The following PIGT variants were observed in gnomAD, a reference collection of about 807,000 sequenced individuals.
The protein encoded by PIGT is phosphatidylinositol glycan anchor biosynthesis class T, also known as GPI-anchor transamidase component PIGT.
Under a neutral mutation model 66.7 loss-of-function variants are expected in PIGT, and 57 were observed. The observed-to-expected ratio is 0.86, with a 90% CI of 0.69 to 1.07. The LOEUF (loss-of-function observed/expected upper bound fraction) is 1.07, where lower values mean the gene tolerates loss of function less well. Among genes scored for constraint, PIGT ranks in the 50% least tolerant of loss-of-function variants. PIGT has a pLI of 0.00. For synonymous variants in PIGT, 362 were observed against 320.5 expected (o/e 1.13, Z -1.38); for missense variants, 725 against 740.4 (o/e 0.98, Z 0.24).
intron 2 of PIGT, chr20:45,417,268 C>T (rs1039238846): frequency 6.6e-6 from 1 of 152,184 alleles, no homozygotes; most frequent in African/African-American, 2.4e-5. Flanking sequence ...TTAAAATTGA[C>T]AAACACAGGA....
rs1164135968 is a variant in PIGT at position 45,425,747 on chromosome 20, T to A, written c.1658T>A (p.Ile553Asn). 6.2e-7 allele frequency: 1 copy of A among 1,614,076 alleles called. No individual in the cohort carries two copies. The highest frequency in any genetic ancestry group is 8.5e-7 in the Non-Finnish European group (1 of 1,179,948). The change falls in exon 12 of 12, where the codon ATC becomes AAC. Residue 553 changes from isoleucine to asparagine, a missense_variant. Ile to Asn is a moderately radical substitution (Grantham distance 149). Around this residue, in one of 3 missense-constraint regions of PIGT, gnomAD observed 162 missense variants for 171.1 expected, o/e 0.95. Coordinates refer to ENST00000279036, the MANE Select transcript of PIGT (RefSeq NM_015937.6). ...FYNLLTRTFH[I>N]EEPRTGGLAK... ...AATCTCCTCACCCGAACCTTCCACA[T>A]CGAGGAGCCCCGCACAGGTGGCCTG...
At position 45,421,541 on chromosome 20, in the gene PIGT, C is replaced by T; in HGVS notation, c.1192C>T (p.His398Tyr). The T allele has an allele frequency of 6.2e-7, 1 of 1,614,116 alleles. No individual in the cohort carries two copies. The highest frequency in any genetic ancestry group is 8.5e-7 in the Non-Finnish European group (1 of 1,180,010). ...ACCCTGGTATCTGCGGCTGTATGTG[C>T]ACACCCTCACCATCACCTCCAAGGG... ...TVPWYLRLYVHTLTITSKGKE... is the reference protein window; with the variant it reads ...TVPWYLRLYVYTLTITSKGKE... Residue 398 changes from histidine (H) to tyrosine (Y), a missense_variant, in exon 9 of 12, where the codon CAC (histidine) becomes TAC (tyrosine). By Grantham distance (83) the His-to-Tyr change is moderately conservative. Coordinates refer to ENST00000279036, the MANE Select transcript of PIGT (RefSeq NM_015937.6).
At chr20:45,423,871 G>A (rs1990541809) in intron 9 of PIGT, 1 of 307,928 alleles carries the variant, frequency 3.2e-6, no homozygotes, top group African/African-American at 2.1e-5. Flanking sequence ...TTAGATTCAT[G>A]TCCCACATTT....
chr20:45,418,990 C>A lies in PIGT; in HGVS notation c.493+11C>A, dbSNP rs764252860. On this transcript the variant is annotated intron_variant, in intron 3 of 11. Coordinates refer to ENST00000279036, the MANE Select transcript of PIGT (RefSeq NM_015937.6). The stretch of plus-strand genomic sequence containing the variant: ...TGGGTCTGGCCAATGGTGAGATAAC[C>A]CCTACAGCCCTTTCCTTCTTCCTCT... The A allele has an allele frequency of 1.9e-6, 3 of 1,614,042 alleles. No homozygotes were observed. In the Admixed American group the frequency reaches 5.0e-5, roughly 27 times the overall value.
At position 45,420,153 on chromosome 20, in the gene PIGT, C is replaced by T. The variant is rs774919387; in HGVS notation, c.699C>T (p.Ser233=). ...RPVCRNARCT[S]ISWELRQTLS... is the part of the protein sequence containing the mutation. Reference sequence around the variant, plus strand: ...TGTGATAGAATGCACGCTGTACTAGCATCTCCTGGGAGCTGAGGCAGACCC... The same window carrying T: ...TGTGATAGAATGCACGCTGTACTAGTATCTCCTGGGAGCTGAGGCAGACCC... Residue 233 remains serine, a synonymous_variant, in exon 6 of 12, where the codon AGC becomes AGT. Transcript: ENST00000279036. 6.2e-7 allele frequency: 1 copy of T among 1,612,014 alleles called. No homozygotes were observed. The highest frequency in any genetic ancestry group is 8.5e-7 in the Non-Finnish European group (1 of 1,178,962).
At chr20:45,419,986 G>A in intron 5 of PIGT, 150 bp from the exon 6 acceptor site, 1 of 637,760 alleles carries the variant, frequency 1.6e-6, no homozygotes. Flanking sequence ...ACGGGGTCTG[G>A]CACGAGGTCA....
In PIGT at chr20:45,421,373, C is replaced by G; in HGVS notation, c.1034-10C>G. On this transcript the variant is annotated splice_polypyrimidine_tract_variant and intron_variant, in intron 8 of 11. Coordinates refer to ENST00000279036, the MANE Select transcript of PIGT (RefSeq NM_015937.6). ...TGGCAGCTGTTAACTGTTGATATTT[C>G]TTTACACAGAGGCCCCCCCAGTGCC... 6.2e-7 allele frequency: 1 copy of G among 1,610,500 alleles called. No homozygotes were observed.
intron 9 of PIGT, 163 bp from the exon 10 acceptor site, chr20:45,424,053 C>T (rs959306139): frequency 1.3e-5 from 8 of 635,868 alleles, no homozygotes; most frequent in South Asian, 1.1e-4. Context: ...ACATCCTCTC[C>T]CTTTTCTTAG....
Position 45,419,411 on chromosome 20 carries a change from C to G in PIGT, c.594+16C>G. Reference sequence around the variant, plus strand: ...TAGTTCCAAGGTGAGGCCGCAGAGCCTGGCAGCCGGGGGCGGGGGGTGTAT... The same window carrying G: ...TAGTTCCAAGGTGAGGCCGCAGAGCGTGGCAGCCGGGGGCGGGGGGTGTAT... On this transcript the variant is annotated intron_variant, in intron 4 of 11. Transcript: ENST00000279036. The G allele has an allele frequency of 6.3e-7, 1 of 1,586,196 alleles. No homozygotes were observed. The highest frequency in any genetic ancestry group is 1.7e-4 in the Middle Eastern group (1 of 5,992).
intron 11 of PIGT, chr20:45,425,172 TTTCTTTCTTTC>T (rs1662704299): frequency 6.7e-6 from 1 of 148,762 alleles, no homozygotes; most frequent in African/African-American, 2.5e-5. Context: ...TCTTTCTTTC[TTTCTTTCTTTC>T]TTTCTTTCTT....
intron 9 of PIGT, 88 bp from the exon 10 acceptor site, chr20:45,424,128 A>T: frequency 7.8e-7 from 1 of 1,285,294 alleles, no homozygotes; most frequent in Non-Finnish European, 1.1e-6. Flanking sequence ...AGGCACCCAG[A>T]TTGAGGCTCC....
chr20:45,420,887 T>C, intron 8 of PIGT, 194 bp downstream of exon 8: 1 of 613,124 alleles, frequency 1.6e-6, no homozygotes, highest in Non-Finnish European at 2.9e-6. Context: ...AGCATCCACA[T>C]CTGAAAAATA....
At chr20:45,425,445 T>C (rs1348553057) in intron 11 of PIGT, 129 bp from the exon 12 acceptor site, 4 of 991,568 alleles carry the variant, frequency 4.0e-6, no homozygotes, top group Admixed American at 2.7e-5. Context: ...ATGCCTTCTG[T>C]TGAAAGGTTT....
chr20:45,425,095 A>G (rs1002609573), intron 11 of PIGT: 2 of 157,872 alleles, frequency 1.3e-5, no homozygotes, highest in Admixed American at 6.2e-5. Context: ...CTCCACCTCA[A>G]CACCAGGCGT....
intron 11 of PIGT, chr20:45,425,127 CTCTTTCTTTCTTTCTCTT>C (rs1208936880): frequency 2.3e-5 from 3 of 127,694 alleles, no homozygotes; most frequent in South Asian, 2.4e-4. Context: ...TCCTTTCTCT[CTCTTTCTTTCTTTCTCTT>C]TCTTTCTTTC....
chr20:45,420,363 C>A lies in PIGT; in HGVS notation c.801C>A (p.Thr267=), dbSNP rs139713205. The change falls in exon 7 of 12, where the codon ACC becomes ACA. Residue 267 remains threonine, a synonymous_variant. Transcript: ENST00000279036. ...DWSLFRMFSR[T]LTEPCPLASE... ...CCCTCTTCCGGATGTTCTCCCGAAC[C>A]CTCACGGAGCCCTGCCCCCTGGCTT... The A allele has an allele frequency of 1.4e-5, 22 of 1,613,568 alleles. 1 individual carries two copies. Among genetic ancestry groups the A allele is most frequent in the Non-Finnish European group, 1.8e-5 (21 of 1,179,914 alleles).
At chr20:45,419,982 T>C (rs1990247873) in intron 5 of PIGT, 154 bp from the exon 6 acceptor site, 1 of 631,858 alleles carries the variant, frequency 1.6e-6, no homozygotes, top group East Asian at 2.7e-5. Context: ...CAGCACGGGG[T>C]CTGGCACGAG....
At chr20:45,425,230 TTTTTA>T (rs1308743293) in intron 11 of PIGT, 3 of 158,486 alleles carry the variant, frequency 1.9e-5, no homozygotes, top group Non-Finnish European at 4.1e-5. Flanking sequence ...TCTTATTTAT[TTTTTA>T]TTTTACTTTA....
intron 2 of PIGT, chr20:45,417,959 A>G (rs995052484): frequency 3.3e-5 from 5 of 151,966 alleles, no homozygotes; most frequent in African/African-American, 1.2e-4. Flanking sequence ...TTTCCTGTCT[A>G]CTCTGCTGTC....
Sources: gnomAD v4.1 joint callset for allele counts on GRCh38, gnomAD v4.1.1 for gene constraint, gnomAD v4.1.1 regional missense constraint, MANE v1.5 for transcripts, NCBI Gene and HGNC (gene_info 2026-07-23, HGNC 2026-07-21) for gene names.